MINDY2: variants seen among roughly 807,000 people sequenced by gnomAD.
MINDY2 encodes MINDY lysine 48 deubiquitinase 2.
MINDY2 carries 52 observed loss-of-function variants against 68.2 expected under a neutral mutation model. The observed-to-expected ratio is 0.76, with a 90% CI of 0.61 to 0.96. The LOEUF (loss-of-function observed/expected upper bound fraction) is 0.96, where lower values mean the gene tolerates loss of function less well. Among genes scored for constraint, MINDY2 ranks in the 40% least tolerant of loss-of-function variants. The pLI, the probability that MINDY2 is intolerant of heterozygous loss-of-function variation, is 0.00. For synonymous variants in MINDY2, 372 were observed against 303.0 expected, an observed-to-expected ratio of 1.23 and a Z score of -2.36; for missense variants, 881 against 773.4, an observed-to-expected ratio of 1.14 and a Z score of -1.65.
At chr15:58,849,461 C>T (rs765906911) in intron 7 of MINDY2, among the ~76,000 whole-genome samples, 8 of 151,820 alleles carry the variant, frequency 5.3e-5, no homozygotes, top group African/African-American at 7.2e-5. Flanking sequence ...GCCAAGATGA[C>T]GCCACTGCAC....
At chr15:58,785,218 G>A (rs1331417608) in intron 1 of MINDY2, among the ~76,000 whole-genome samples, 1 of 151,032 alleles carries the variant, frequency 6.6e-6, no homozygotes, top group Non-Finnish European at 1.5e-5. Flanking sequence ...ATCTGTGGAT[G>A]GCTCCACAGT....
At chr15:58,832,440 G>T (rs778502490) in intron 6 of MINDY2, among the ~76,000 whole-genome samples, 5 of 151,780 alleles carry the variant, frequency 3.3e-5, no homozygotes, top group Non-Finnish European at 5.9e-5. Context: ...TGTTGGTCAG[G>T]CTGGTGTCAA....
At chr15:58,808,306 A>G (rs1299644798) in intron 3 of MINDY2, among the ~76,000 whole-genome samples, 1 of 152,148 alleles carries the variant, frequency 6.6e-6, no homozygotes, top group Non-Finnish European at 1.5e-5. Flanking sequence ...TCACGTATCT[A>G]CCATTACAGT....
chr15:58,787,140 C>CTTTTTTTTT (rs58374538), intron 1 of MINDY2, among the ~76,000 whole-genome samples: 4 of 78,146 alleles, frequency 5.1e-5, no homozygotes, highest in African/African-American at 5.6e-5. Context: ...CATTTCTTTA[C>CTTTTTTTTT]TTTTTTTTTT....
chr15:58,847,949 G>C (rs1188365014), intron 7 of MINDY2, among the ~76,000 whole-genome samples: 1 of 152,176 alleles, frequency 6.6e-6, no homozygotes, highest in African/African-American at 2.4e-5. Context: ...CTGGAAGGTA[G>C]CATATAGTGT....
rs368955858 is a variant in MINDY2, at chr15:58,848,615, G to A, written c.1542+1145G>A. On this transcript the variant is annotated intron_variant, in intron 7 of 8. Transcript: ENST00000559228. ...AAATCAATTATCCGGGCATGGTGGCGGGCGCCTGTAGTCGCAGCTACTCAG... is the reference window on the plus strand; with the variant it reads ...AAATCAATTATCCGGGCATGGTGGCAGGCGCCTGTAGTCGCAGCTACTCAG... Among the ~76,000 whole-genome samples the A allele has an allele frequency of 1.3e-4, 19 of 151,832 alleles. No individual in the cohort carries two copies. The East Asian group carries it at 2.5e-3, about 20-fold the overall frequency.
intron 1 of MINDY2, among the ~76,000 whole-genome samples, chr15:58,785,893 C>A (rs1428178085): frequency 6.6e-6 from 1 of 152,038 alleles, no homozygotes; most frequent in African/African-American, 2.4e-5. Flanking sequence ...TGGCCAGGCT[C>A]GTCTCGTACT....
intron 4 of MINDY2, among the ~76,000 whole-genome samples, chr15:58,818,081 C>G (rs756292579): frequency 3.9e-5 from 6 of 152,292 alleles, no homozygotes; most frequent in Non-Finnish European, 7.3e-5. Context: ...CTGCATACCA[C>G]TATATACAAC....
intron 1 of MINDY2, among the ~76,000 whole-genome samples, chr15:58,785,790 C>T (rs377224689): frequency 1.3e-5 from 2 of 152,096 alleles, no homozygotes; most frequent in East Asian, 1.9e-4. Flanking sequence ...AATTCTCCTG[C>T]CTCAGTCTCC....
At chr15:58,839,616 G>A (rs2032180493) in intron 6 of MINDY2, among the ~76,000 whole-genome samples, 2 of 152,102 alleles carry the variant, frequency 1.3e-5, no homozygotes, top group South Asian at 2.1e-4. Context: ...ACAGGTTTGA[G>A]CCATTGCACC....
chr15:58,793,642 C>G (rs1166016192), intron 2 of MINDY2, among the ~76,000 whole-genome samples: 4 of 152,006 alleles, frequency 2.6e-5, no homozygotes, highest in African/African-American at 7.2e-5. Context: ...GCAAAAAATA[C>G]TTTATACAAA....
chr15:58,790,586 A>T lies in MINDY2; in HGVS notation c.898+2623A>T, dbSNP rs3985719. 7.0e-5 allele frequency among the ~76,000 whole-genome samples: 4 copies of T among 56,776 alleles called. No individual in the cohort carries two copies. The South Asian group carries it at 2.3e-3, about 33-fold the overall frequency. The allele number at this position is 56,776 out of a possible 152,430, so 37.2% of individuals were successfully genotyped here. On this transcript the variant is annotated intron_variant, in intron 2 of 8. Transcript: ENST00000559228. The stretch of plus-strand genomic sequence containing the variant: ...AGCATTTATGTTGACAATAGACCTT[A>T]GTGGGGGGTAAGACAAGTGGGAAAA...
Position 58,772,019 on chromosome 15 carries a change from G to A in MINDY2, c.624G>A (p.Ala208=), listed in dbSNP as rs751994149. 7 of 1,597,838 alleles carry A rather than the reference G, an allele frequency of 4.4e-6. No individual in the cohort carries two copies. The highest frequency in any genetic ancestry group is 1.7e-5 in the Admixed American group (1 of 57,688). ...GGGTCCCTGAGGAGGAGGAGGGCGC[G>A]GCGGTGTTGCCCGGGGCTGTTCCTC... ...ENRVPEEEEG[A]AVLPGAVPLC... is the part of the protein sequence containing the mutation. Residue 208 remains alanine (A), a synonymous_variant, in exon 1 of 9, where the codon GCG becomes GCA. Coordinates refer to ENST00000559228, the MANE Select transcript of MINDY2 (RefSeq NM_001040450.3).
chr15:58,837,676 T>G (rs2141033472), intron 6 of MINDY2, among the ~76,000 whole-genome samples: 1 of 152,236 alleles, frequency 6.6e-6, no homozygotes, highest in African/African-American at 2.4e-5. Flanking sequence ...ATCTTATGCA[T>G]TCATATTTAA....
At chr15:58,822,519 A>G (rs899429298) in intron 5 of MINDY2, among the ~76,000 whole-genome samples, 6 of 152,222 alleles carry the variant, frequency 3.9e-5, no homozygotes, top group Non-Finnish European at 8.8e-5. Context: ...ATGGTGCTCA[A>G]GTACTCTAGA....
chr15:58,847,886 G>A (rs1325490445), intron 7 of MINDY2, among the ~76,000 whole-genome samples: 1 of 152,162 alleles, frequency 6.6e-6, no homozygotes, highest in Non-Finnish European at 1.5e-5. Context: ...GAAGAGATGA[G>A]CACATATCTG....
At chr15:58,772,430 C>G (rs1396253341) in intron 1 of MINDY2, among the ~76,000 whole-genome samples, 195 bp downstream of exon 1, 2 of 152,158 alleles carry the variant, frequency 1.3e-5, no homozygotes, top group Non-Finnish European at 2.9e-5. Context: ...TGCCCCTAAC[C>G]TCAGTCTTCT....
intron 6 of MINDY2, among the ~76,000 whole-genome samples, 194 bp downstream of exon 6, chr15:58,832,110 CT>C (rs1433759598): frequency 6.6e-6 from 1 of 151,720 alleles, no homozygotes; most frequent in Admixed American, 6.6e-5. Context: ...CCTCAAATCA[CT>C]TTTTGTTTTT....
chr15:58,783,020 A>G (rs1901261405), intron 1 of MINDY2, among the ~76,000 whole-genome samples: 1 of 141,528 alleles, frequency 7.1e-6, no homozygotes, highest in Non-Finnish European at 1.5e-5. Context: ...TCTGGGCCCA[A>G]GTGATTGTCC....
Sources: allele counts gnomAD v4.1 joint callset (sites outside exome capture counted in the v4.1 genomes callset), GRCh38; gene constraint gnomAD v4.1.1; transcripts MANE v1.5; gene names NCBI Gene and HGNC (gene_info 2026-07-23, HGNC 2026-07-21).